The following TOM1L2 variants were observed in gnomAD, a reference collection of about 807,000 sequenced individuals.
TOM1L2 encodes the protein target of myb1 like 2 membrane trafficking protein, also known as TOM1-like protein 2.
Under a neutral mutation model 67.9 loss-of-function variants are expected in TOM1L2, and 31 were observed. The observed-to-expected ratio is 0.46, with a 90% confidence interval of 0.34 to 0.62. The LOEUF is 0.62. TOM1L2 is among the 20% of genes least tolerant of loss of function. TOM1L2 has a pLI of 0.01. For synonymous variants in TOM1L2, 256 were observed against 254.0 expected (o/e 1.01, Z -0.07); for missense variants, 606 against 663.5 (o/e 0.91, Z 0.95).
chr17:17,903,349 C>T (rs184467300), intron 2 of TOM1L2, among the ~76,000 whole-genome samples: 5 of 152,246 alleles, frequency 3.3e-5, no homozygotes, highest in East Asian at 1.9e-4. Context: ...ATTGGCTGGG[C>T]GCGGTGGCTC....
chr17:17,964,300 A>G (rs12600546), intron 1 of TOM1L2, among the ~76,000 whole-genome samples: 74,248 of 152,068 alleles, frequency 0.49, 19,171 homozygotes, highest in East Asian at 0.86. Flanking sequence ...TGCTAGGTCA[A>G]GAGCAACAAC....
In TOM1L2 at chr17:17,931,457, T is replaced by C. The variant is rs114874245; in HGVS notation, c.53-23926A>G. ...ATAACTAAATGTCTCTGAGCCTCAG[T>C]TTCCACATCTATAGAACAGAAACAG... On this transcript the variant is annotated intron_variant, in intron 1 of 14. Transcript: ENST00000379504. Among the ~76,000 whole-genome samples, 1,132 of 152,266 alleles carry C rather than the reference T, an allele frequency of 7.4e-3. 13 individuals are homozygous for C. Among genetic ancestry groups the C allele is most frequent in the African/African-American group, 0.026 (1,087 of 41,552 alleles).
intron 1 of TOM1L2, among the ~76,000 whole-genome samples, chr17:17,909,176 G>A (rs977992016): frequency 2.6e-5 from 4 of 152,050 alleles, no homozygotes; most frequent in Non-Finnish European, 5.9e-5. Context: ...GCCAGACTCC[G>A]TCTCAAAAAC....
intron 1 of TOM1L2, among the ~76,000 whole-genome samples, chr17:17,923,228 G>A (rs534225623): frequency 6.6e-6 from 1 of 152,190 alleles, no homozygotes; most frequent in East Asian, 1.9e-4. Flanking sequence ...TGAAATCCTG[G>A]TCTCTACTAA....
intron 4 of TOM1L2, among the ~76,000 whole-genome samples, chr17:17,886,846 G>A (rs543748501): frequency 4.6e-5 from 7 of 152,198 alleles, no homozygotes; most frequent in Admixed American, 3.3e-4. Flanking sequence ...GGAGTGGGAG[G>A]GAAATGCACA....
chr17:17,847,354 T>G lies in TOM1L2; in HGVS notation c.*281A>C, dbSNP rs1250919245. 9 of 479,584 alleles carry G rather than the reference T, an allele frequency of 1.9e-5. No individual in the cohort carries two copies. The highest frequency in any genetic ancestry group is 3.4e-5 in the Non-Finnish European group (9 of 267,402). The allele number at this position is 479,584 out of a possible 1,614,324, so 29.7% of individuals were successfully genotyped here. On this transcript the variant is annotated 3_prime_UTR_variant, in exon 15 of 15. Transcript: ENST00000379504. ...CTGCTCAGGAAGCACTGCCTGGGGCTGGGCCACTCTGCCCGCTCTTCCTGG... is the reference window on the plus strand; with the variant it reads ...CTGCTCAGGAAGCACTGCCTGGGGCGGGGCCACTCTGCCCGCTCTTCCTGG...
At chr17:17,913,199 G>A (rs981165187) in intron 1 of TOM1L2, among the ~76,000 whole-genome samples, 2,411 of 150,468 alleles carry the variant, frequency 0.016, 68 homozygotes, top group African/African-American at 0.056. Flanking sequence ...GAGGGAGACC[G>A]TGGGGAGACG....
chr17:17,896,307 GT>G (rs1301186290), intron 3 of TOM1L2, among the ~76,000 whole-genome samples: 1 of 152,152 alleles, frequency 6.6e-6, no homozygotes, highest in Non-Finnish European at 1.5e-5. Flanking sequence ...TGAGAAGCAG[GT>G]GGGAAAGGTG....
intron 1 of TOM1L2, among the ~76,000 whole-genome samples, chr17:17,914,875 T>C (rs2039563592): frequency 6.6e-6 from 1 of 152,170 alleles, no homozygotes; most frequent in Non-Finnish European, 1.5e-5. Context: ...ATATCTTTTT[T>C]AGGTAAAAAA....
At chr17:17,942,179 C>G (rs1265177577) in intron 1 of TOM1L2, among the ~76,000 whole-genome samples, 1 of 152,138 alleles carries the variant, frequency 6.6e-6, no homozygotes, top group African/African-American at 2.4e-5. Flanking sequence ...TATAAAAAAC[C>G]AGCACTAGCT....
intron 7 of TOM1L2, among the ~76,000 whole-genome samples, chr17:17,878,138 C>T (rs896218236): frequency 6.6e-6 from 1 of 152,260 alleles, no homozygotes; most frequent in Admixed American, 6.5e-5. Flanking sequence ...CCTGGCCGAA[C>T]CTTCCTGCAG....
chr17:17,930,772 A>C (rs930454091), intron 1 of TOM1L2, among the ~76,000 whole-genome samples: 1 of 152,240 alleles, frequency 6.6e-6, no homozygotes, highest in Non-Finnish European at 1.5e-5. Flanking sequence ...TTTACCAAGA[A>C]CCAGAGAGAT....
At chr17:17,910,868 C>T (rs1292096894) in intron 1 of TOM1L2, among the ~76,000 whole-genome samples, 3 of 152,120 alleles carry the variant, frequency 2.0e-5, no homozygotes, top group African/African-American at 7.2e-5. Flanking sequence ...TGTGCCCAGC[C>T]CCAACACTCT....
chr17:17,910,148 G>A (rs969367788), intron 1 of TOM1L2, among the ~76,000 whole-genome samples: 5 of 152,230 alleles, frequency 3.3e-5, no homozygotes, highest in Admixed American at 1.3e-4. Flanking sequence ...GGGTCAGGGA[G>A]TAGCAGGGTG....
intron 12 of TOM1L2, among the ~76,000 whole-genome samples, chr17:17,860,691 C>T (rs1050767532): frequency 5.3e-5 from 8 of 152,234 alleles, no homozygotes; most frequent in East Asian, 1.9e-4. Flanking sequence ...GACCCTCCTC[C>T]TCCCTGCCCC....
chr17:17,885,706 C>T (rs1403360353), intron 4 of TOM1L2, among the ~76,000 whole-genome samples: 1 of 151,930 alleles, frequency 6.6e-6, no homozygotes, highest in Non-Finnish European at 1.5e-5. Flanking sequence ...GGACGGATCA[C>T]GAGGTCAGGA....
At chr17:17,869,608 C>A in intron 7 of TOM1L2, 135 bp from the exon 8 acceptor site, 10 of 1,409,798 alleles carry the variant, frequency 7.1e-6, no homozygotes, top group Non-Finnish European at 9.2e-6. Flanking sequence ...CAGACATGTG[C>A]CGAATTCAAA....
intron 1 of TOM1L2, among the ~76,000 whole-genome samples, chr17:17,944,992 T>G (rs1347147212): frequency 1.3e-5 from 2 of 152,210 alleles, no homozygotes; most frequent in Non-Finnish European, 2.9e-5. Flanking sequence ...CTGCCCGCAC[T>G]GCCGCCGCCA....
intron 1 of TOM1L2, among the ~76,000 whole-genome samples, chr17:17,910,873 C>A (rs7218594): frequency 0.024 from 3,693 of 152,280 alleles, 135 homozygotes; most frequent in African/African-American, 0.073. Context: ...CCAGCCCCAA[C>A]ACTCTTGATG....
Sources: gnomAD v4.1 joint callset for allele counts (sites outside exome capture counted in the v4.1 genomes callset) on GRCh38, gnomAD v4.1.1 for gene constraint, MANE v1.5 for transcripts, NCBI Gene and HGNC (gene_info 2026-07-23, HGNC 2026-07-21) for gene names.